Variants in SYNRG observed in about 807,000 individuals in gnomAD.
SYNRG encodes the protein AP1 gamma subunit binding protein 1.
Under a neutral mutation model 130.9 loss-of-function variants are expected in SYNRG, and 37 were observed. That is an observed-to-expected ratio of 0.28 (90% CI 0.22 to 0.37). SYNRG has a LOEUF of 0.37. SYNRG is among the 10% of genes least tolerant of loss of function. The probability of loss-of-function intolerance (pLI) is 1.00; values close to 1 mark genes in which losing one functional copy is unlikely to be tolerated. For missense variants in SYNRG, 1,338 were observed against 1,588.9 expected, an observed-to-expected ratio of 0.84 and a Z score of 2.68; for synonymous variants, 539 against 568.1, an observed-to-expected ratio of 0.95 and a Z score of 0.73.
rs1188989319 is a variant in SYNRG at position 37,597,537 on chromosome 17, T to C, written c.119-1193A>G. ...CCTTGGTTTATCATTTGTAAAACTG[T>C]TTAATACTTACTATGCTCAAAGAAA... On this transcript the variant is annotated intron_variant, in intron 2 of 21. Transcript: ENST00000612223. Among the ~76,000 whole-genome samples, 8 of 152,344 alleles carry C rather than the reference T, an allele frequency of 5.3e-5. No homozygotes were observed. The East Asian group carries it at 1.5e-3, about 29-fold the overall frequency.
chr17:37,601,648 T>C (rs2063297248), intron 1 of SYNRG, among the ~76,000 whole-genome samples: 1 of 152,142 alleles, frequency 6.6e-6, no homozygotes, highest in Admixed American at 6.5e-5. Flanking sequence ...AAGGTTTTTT[T>C]TAAGCTGACA....
chr17:37,562,320 T>C (rs753955667), intron 11 of SYNRG, among the ~76,000 whole-genome samples: 2 of 152,188 alleles, frequency 1.3e-5, no homozygotes, highest in Non-Finnish European at 2.9e-5. Context: ...GATGGAAAAA[T>C]AGCGTAATGA....
chr17:37,588,634 A>T lies in SYNRG; in HGVS notation c.241-2085T>A, dbSNP rs143116282. Among the ~76,000 whole-genome samples, 50 of 152,266 alleles carry T rather than the reference A, an allele frequency of 3.3e-4. 1 individual carries two copies. In the East Asian group the frequency reaches 9.6e-3, roughly 29 times the overall value. On this transcript the variant is annotated intron_variant, in intron 3 of 21. Transcript: ENST00000612223. ...TACACACAATATTGGTTTATTGCTA[A>T]CATTCTCTATTCTAAATCTTGGGTG...
rs764259271 is a variant in SYNRG at position 37,577,561 on chromosome 17, C to A, written c.642G>T (p.Gly214=). 3.8e-5 allele frequency: 62 copies of A among 1,613,976 alleles called. No individual in the cohort carries two copies. Among genetic ancestry groups the A allele is most frequent in the Non-Finnish European group, 4.9e-5 (58 of 1,180,020 alleles). The change falls in exon 7 of 22, where the codon GGG becomes GGT. Residue 214 remains glycine, a synonymous_variant. Transcript: ENST00000612223. ...FLVSCDISTS[G]QEQIKLNTSE... ...AAGTATTTAATTTAATTTGTTCCTG[C>A]CCAGATGTACTTATATCACAAGATA...
Position 37,571,868 on chromosome 17 carries a change from A to G in SYNRG, c.1021T>C (p.Leu341=), listed in dbSNP as rs1362465437. 1 of 1,614,092 alleles carries G rather than the reference A, an allele frequency of 6.2e-7. No homozygotes were observed. Among genetic ancestry groups the G allele is most frequent in the Non-Finnish European group, 8.5e-7 (1 of 1,179,994 alleles). ...PRETLGQIWA[L]ANRTTPGKLT... The stretch of plus-strand genomic sequence containing the variant: ...TTGCCAGGTGTAGTTCGATTAGCTA[A>G]GGCCCATATCTGTCCAAGAGTTTCC... The change falls in exon 9 of 22, where the codon TTA becomes CTA. Residue 341 remains leucine, a synonymous_variant. Coordinates refer to ENST00000612223, the MANE Select transcript of SYNRG (RefSeq NM_007247.6).
chr17:37,572,193 A>C (rs1243923280), intron 8 of SYNRG, among the ~76,000 whole-genome samples: 1 of 152,164 alleles, frequency 6.6e-6, no homozygotes, highest in Non-Finnish European at 1.5e-5. Context: ...TTGGGAGGCC[A>C]AGGCCAGCAG....
At position 37,517,239 on chromosome 17, in the gene SYNRG, G is replaced by T. The variant is rs1357922507; in HGVS notation, c.*1701C>A. The T allele has an allele frequency of 6.5e-6, 1 of 152,712 alleles. No individual in the cohort carries two copies. The highest frequency in any genetic ancestry group is 2.4e-5 in the African/African-American group (1 of 41,412). The allele number at this position is 152,712 out of a possible 1,614,324, so 9.5% of individuals were successfully genotyped here. A position where few individuals can be genotyped will look rare whatever the true frequency, so the allele number is the denominator to read the frequency against. Reference sequence around the variant, plus strand: ...CAAAAAAAAACAAAGAATTTTTAAGGCCAATTAGCAGCCTGCTTGCATTCC... The same window carrying T: ...CAAAAAAAAACAAAGAATTTTTAAGTCCAATTAGCAGCCTGCTTGCATTCC... On this transcript the variant is annotated 3_prime_UTR_variant, in exon 22 of 22. Transcript: ENST00000612223.
intron 3 of SYNRG, among the ~76,000 whole-genome samples, chr17:37,589,841 T>C (rs989952938): frequency 1.3e-5 from 2 of 151,634 alleles, no homozygotes; most frequent in African/African-American, 4.8e-5. Flanking sequence ...CACACACTGA[T>C]TCTAAAGAAC....
chr17:37,532,634 T>C (rs370778232), intron 19 of SYNRG, among the ~76,000 whole-genome samples: 5 of 138,996 alleles, frequency 3.6e-5, no homozygotes, highest in African/African-American at 1.1e-4. Flanking sequence ...GATTGCACCA[T>C]TGCACTCCAG....
At chr17:37,543,607 A>G (rs906342529) in intron 14 of SYNRG, among the ~76,000 whole-genome samples, 5 of 152,220 alleles carry the variant, frequency 3.3e-5, no homozygotes, top group African/African-American at 1.2e-4. Flanking sequence ...AACCATGATC[A>G]TGTGTGTAAA....
In SYNRG at chr17:37,569,524, G is replaced by A. The variant is rs189947411; in HGVS notation, c.1348-600C>T. Among the ~76,000 whole-genome samples the A allele has an allele frequency of 6.6e-3, 988 of 149,504 alleles. 6 individuals carry two copies. The highest frequency in any genetic ancestry group is 0.024 in the Middle Eastern group (7 of 290). ...GATATATCTAGCCGGGTGTGGTGGCGGGCACCTGTAATCCCAGCTACTTGG... is the reference window on the plus strand; with the variant it reads ...GATATATCTAGCCGGGTGTGGTGGCAGGCACCTGTAATCCCAGCTACTTGG... On this transcript the variant is annotated intron_variant, in intron 10 of 21. Coordinates refer to ENST00000612223, the MANE Select transcript of SYNRG (RefSeq NM_007247.6).
intron 3 of SYNRG, among the ~76,000 whole-genome samples, chr17:37,595,467 C>T (rs1181317327): frequency 2.0e-5 from 3 of 152,156 alleles, no homozygotes. Context: ...GACATAAAGA[C>T]AGGCTCGACA....
At position 37,522,134 on chromosome 17, in the gene SYNRG, T is replaced by TACACACAC. The variant is rs60928738; in HGVS notation, c.3667-1494_3667-1487dup. Among the ~76,000 whole-genome samples, 618 of 145,104 alleles carry TACACACAC rather than the reference T, an allele frequency of 4.3e-3. 5 individuals carry two copies. The highest frequency in any genetic ancestry group is 0.013 in the African/African-American group (504 of 38,316). ...TCTTTATATGCATTATCTAATTCAC[T>TACACACAC]ACACACACACACACACACACACAAT... On this transcript the variant is annotated intron_variant, in intron 19 of 21. Transcript: ENST00000612223.
intron 8 of SYNRG, among the ~76,000 whole-genome samples, chr17:37,574,975 A>AC (rs1201527167): frequency 6.6e-6 from 1 of 152,200 alleles, no homozygotes. Context: ...CCATAAAAAA[A>AC]ATTGAGATCC....
intron 1 of SYNRG, among the ~76,000 whole-genome samples, chr17:37,601,533 C>G (rs534077931): frequency 1.3e-5 from 2 of 152,110 alleles, no homozygotes; most frequent in Non-Finnish European, 2.9e-5. Flanking sequence ...ATATTGTCAA[C>G]CATTACCACT....
At chr17:37,554,932 A>G (rs2058996737) in intron 13 of SYNRG, among the ~76,000 whole-genome samples, 3 of 152,136 alleles carry the variant, frequency 2.0e-5, no homozygotes, top group Admixed American at 2.0e-4. Flanking sequence ...GGGGTAACTG[A>G]CGGAATTGTT....
chr17:37,530,402 C>T (rs1183022234), intron 19 of SYNRG, among the ~76,000 whole-genome samples: 1 of 152,188 alleles, frequency 6.6e-6, no homozygotes, highest in African/African-American at 2.4e-5. Flanking sequence ...TACTGATCTC[C>T]AGGTTCACAA....
chr17:37,596,277 G>T lies in SYNRG; in HGVS notation c.186C>A (p.Gly62=), dbSNP rs2062764754. ...MVSVMQPNMQ[G]IMGMNYSSQM... ...GAGAGCTGTAATTCATTCCCATAAT[G>T]CCTTGCATATTAGGCTGCATGACAG... The change falls in exon 3 of 22, where the codon GGC becomes GGA. Residue 62 remains glycine, a synonymous_variant. Transcript: ENST00000612223. The T allele has an allele frequency of 1.9e-6, 3 of 1,614,000 alleles. No individual in the cohort carries two copies. The highest frequency in any genetic ancestry group is 2.2e-5 in the East Asian group (1 of 44,886).
At chr17:37,583,416 G>T (rs1425694942) in intron 6 of SYNRG, among the ~76,000 whole-genome samples, 1 of 151,814 alleles carries the variant, frequency 6.6e-6, no homozygotes, top group East Asian at 1.9e-4. Flanking sequence ...TTATTTTGGG[G>T]CATACTTTTG....
Sources: allele counts gnomAD v4.1 joint callset (sites outside exome capture counted in the v4.1 genomes callset), GRCh38; gene constraint gnomAD v4.1.1; transcripts MANE v1.5; gene names NCBI Gene and HGNC (gene_info 2026-07-23, HGNC 2026-07-21).